Variants in TLL1 observed in about 807,000 individuals in gnomAD.
The protein encoded by TLL1 is tolloid like 1.
TLL1 carries 49 observed loss-of-function variants against 128.2 expected under a neutral mutation model. The ratio of observed to expected loss-of-function variants is 0.38; its 90% CI spans 0.30 to 0.48. The LOEUF (loss-of-function observed/expected upper bound fraction) is 0.48. Among genes scored for constraint, TLL1 ranks in the 20% least tolerant of loss-of-function variants. The pLI is 0.96. For synonymous variants in TLL1, 454 were observed against 418.8 expected (o/e 1.08, Z -1.03); for missense variants, 1,123 against 1,242.0 (o/e 0.90, Z 1.44).
intron 1 of TLL1, among the ~76,000 whole-genome samples, chr4:165,943,605 G>C (rs1344937063): frequency 6.6e-6 from 1 of 151,970 alleles, no homozygotes; most frequent in Non-Finnish European, 1.5e-5. Context: ...ATGAGTCTGA[G>C]TTCTAGCTGT....
At chr4:166,021,204 A>G (rs1738213325) in intron 8 of TLL1, among the ~76,000 whole-genome samples, 1 of 151,352 alleles carries the variant, frequency 6.6e-6, no homozygotes, top group Non-Finnish European at 1.5e-5. Flanking sequence ...ATTCTTGGCT[A>G]AACTATATTG....
At chr4:166,063,955 T>C (rs1450890980) in intron 15 of TLL1, among the ~76,000 whole-genome samples, 1 of 151,718 alleles carries the variant, frequency 6.6e-6, no homozygotes, top group African/African-American at 2.4e-5. Flanking sequence ...TGTAACAAAC[T>C]TCACGTTGTG....
chr4:165,925,899 C>G (rs1456524301), intron 1 of TLL1, among the ~76,000 whole-genome samples: 1 of 152,154 alleles, frequency 6.6e-6, no homozygotes, highest in Non-Finnish European at 1.5e-5. Flanking sequence ...ACTGAAGGCT[C>G]AAATGACTGT....
chr4:165,987,702 A>T (rs1433353974), intron 1 of TLL1, among the ~76,000 whole-genome samples: 1 of 152,090 alleles, frequency 6.6e-6, no homozygotes, highest in Non-Finnish European at 1.5e-5. Flanking sequence ...TTCCCACATA[A>T]ATCTAACCCC....
At chr4:166,037,749 A>G (rs975530190) in intron 9 of TLL1, among the ~76,000 whole-genome samples, 16 of 152,100 alleles carry the variant, frequency 1.1e-4, no homozygotes, top group African/African-American at 3.4e-4. Flanking sequence ...CAGAGGTTGC[A>G]GTGAGCTGAT....
At chr4:166,044,371 C>T (rs1458164122) in intron 12 of TLL1, 3 of 1,535,494 alleles carry the variant, frequency 2.0e-6, no homozygotes, top group Non-Finnish European at 2.6e-6. Context: ...GCAGCAGGAG[C>T]ACCAGGAGAA....
Position 165,992,842 on chromosome 4 carries a change from G to A in TLL1, c.319G>A (p.Ala107Thr). 1 of 1,613,320 alleles carries A rather than the reference G, an allele frequency of 6.2e-7. No individual in the cohort carries two copies. Among genetic ancestry groups the A allele is most frequent in the Non-Finnish European group, 8.5e-7 (1 of 1,179,454 alleles). ...CCATGCTATGTCAAAGAAGCGAGGG[G>A]CCCTCTACCAACTTATAGACAGGAT... The part of the protein sequence containing the change: ...GDHAMSKKRG[A>T]LYQLIDRIRR... The change falls in exon 3 of 21, where the codon GCC (alanine) becomes ACC (threonine). Residue 107 changes from alanine (A) to threonine (T), a missense_variant. Coordinates refer to ENST00000061240, the MANE Select transcript of TLL1 (RefSeq NM_012464.5).
rs550871944 is a variant in TLL1 at position 166,057,075 on chromosome 4, G to C, written c.1721-109G>C. The C allele has an allele frequency of 1.3e-5, 17 of 1,282,332 alleles. No homozygotes were observed. The African/African-American group carries it at 1.8e-4, about 13-fold the overall frequency. The allele number at this position is 1,282,332 out of a possible 1,614,324, so 79.4% of individuals were successfully genotyped here. On this transcript the variant is annotated intron_variant, in intron 13 of 20. Transcript: ENST00000061240. Reference sequence around the variant, plus strand: ...CCCTCTCATGACACGTGAGAATTTTGGGAGATATCATTCAAGGTGAGATTT... The same window carrying C: ...CCCTCTCATGACACGTGAGAATTTTCGGAGATATCATTCAAGGTGAGATTT...
intron 5 of TLL1, among the ~76,000 whole-genome samples, chr4:166,000,404 T>C (rs1240870734): frequency 2.6e-5 from 4 of 152,200 alleles, no homozygotes; most frequent in Non-Finnish European, 5.9e-5. Flanking sequence ...CACAGGACCA[T>C]TGTAAAATAA....
At chr4:165,938,231 G>A (rs535512412) in intron 1 of TLL1, among the ~76,000 whole-genome samples, 3 of 152,048 alleles carry the variant, frequency 2.0e-5, no homozygotes, top group Admixed American at 1.3e-4. Context: ...TTGTTTTTTA[G>A]TGTCTTATGT....
At chr4:165,958,554 G>A (rs1322651261) in intron 1 of TLL1, among the ~76,000 whole-genome samples, 11 of 149,804 alleles carry the variant, frequency 7.3e-5, no homozygotes, top group Admixed American at 4.0e-4. Context: ...TTTTTGATGG[G>A]GTTGTTTGTT....
intron 1 of TLL1, among the ~76,000 whole-genome samples, chr4:165,955,493 G>T (rs1734741325): frequency 6.6e-6 from 1 of 151,974 alleles, no homozygotes; most frequent in South Asian, 2.1e-4. Context: ...ATAGTCATCA[G>T]ATTCTCCAAG....
chr4:165,925,972 C>G (rs955770643), intron 1 of TLL1, among the ~76,000 whole-genome samples: 1 of 152,118 alleles, frequency 6.6e-6, no homozygotes, highest in African/African-American at 2.4e-5. Flanking sequence ...AGAGATAATT[C>G]TATTGCACAC....
chr4:166,100,676 A>G (rs1742244320), intron 20 of TLL1, 66 bp from the exon 21 acceptor site: 1 of 1,598,794 alleles, frequency 6.3e-7, no homozygotes, highest in African/African-American at 1.3e-5. Flanking sequence ...AACATGCGTT[A>G]CACTGAAGAA....
chr4:166,014,292 G>A lies in TLL1; in HGVS notation c.918-144G>A. On this transcript the variant is annotated intron_variant, in intron 7 of 20. Coordinates refer to ENST00000061240, the MANE Select transcript of TLL1 (RefSeq NM_012464.5). ...TTTTCTACTTTGATGAAAGTGTTTT[G>A]AAAGCCTGATACACTGCTTAAAGCA... 3 of 1,190,006 alleles carry A rather than the reference G, an allele frequency of 2.5e-6. No homozygotes were observed. The Admixed American group carries it at 5.4e-5, about 22-fold the overall frequency. 73.7% of individuals were successfully genotyped at this position (1,190,006 alleles called of 1,614,324 possible).
chr4:165,951,827 T>A (rs988121055), intron 1 of TLL1, among the ~76,000 whole-genome samples: 3 of 152,152 alleles, frequency 2.0e-5, no homozygotes, highest in African/African-American at 7.2e-5. Context: ...AACTCTATTA[T>A]AATAATTGAT....
At chr4:165,905,768 G>C (rs931820596) in intron 1 of TLL1, among the ~76,000 whole-genome samples, 2 of 152,176 alleles carry the variant, frequency 1.3e-5, no homozygotes, top group African/African-American at 4.8e-5. Context: ...AACTGGTTAG[G>C]ATTAGGGGTT....
At chr4:166,016,508 G>A (rs1222366080) in intron 8 of TLL1, among the ~76,000 whole-genome samples, 3 of 151,938 alleles carry the variant, frequency 2.0e-5, no homozygotes, top group Admixed American at 1.3e-4. Flanking sequence ...TTATTTTTTA[G>A]CCTACAATTC....
chr4:165,921,934 A>T (rs551007243), intron 1 of TLL1, among the ~76,000 whole-genome samples: 2 of 145,882 alleles, frequency 1.4e-5, no homozygotes, highest in African/African-American at 5.1e-5. Flanking sequence ...TAAACAGAGC[A>T]TGAGAAGAAA....
Sources: allele counts gnomAD v4.1 joint callset (sites outside exome capture counted in the v4.1 genomes callset), GRCh38; gene constraint gnomAD v4.1.1; transcripts MANE v1.5; gene names NCBI Gene and HGNC (gene_info 2026-07-23, HGNC 2026-07-21).